The following SHROOM3 variants were observed in gnomAD, a reference collection of about 807,000 sequenced individuals.
SHROOM3 encodes protein Shroom3.
A neutral mutation model predicts 138.6 loss-of-function variants in SHROOM3; 47 were observed. The observed-to-expected ratio is 0.34, with a 90% CI of 0.27 to 0.43. The LOEUF (loss-of-function observed/expected upper bound fraction) is 0.43. Among genes scored for constraint, SHROOM3 ranks in the 20% least tolerant of loss-of-function variants. The pLI is 1.00. For missense variants in SHROOM3, 2,491 were observed against 2,596.5 expected, an observed-to-expected ratio of 0.96 and a Z score of 0.88; for synonymous variants, 1,062 against 1,063.3, an observed-to-expected ratio of 1.00 and a Z score of 0.02.
At position 76,566,788 on chromosome 4, in the gene SHROOM3, A is replaced by C. The variant is rs144511771; in HGVS notation, c.323+11025A>C. Among the ~76,000 whole-genome samples, 252 of 152,316 alleles carry C rather than the reference A, an allele frequency of 1.7e-3. 1 individual carries two copies. Among genetic ancestry groups the C allele is most frequent in the African/African-American group, 5.8e-3 (242 of 41,578 alleles). ...ACTGTGGGTTCTTTTTCCTTTGATC[A>C]TTGTTTATTAAGATGGCTACCTCAA... On this transcript the variant is annotated intron_variant, in intron 2 of 10. Transcript: ENST00000296043.
intron 1 of SHROOM3, among the ~76,000 whole-genome samples, chr4:76,499,254 A>G (rs4493564): frequency 0.58 from 87,391 of 151,556 alleles, 26,039 homozygotes; most frequent in Non-Finnish European, 0.65. Flanking sequence ...TGCTGTGGCT[A>G]TTGGGCAAAT....
chr4:76,544,826 A>G (rs1733177718), intron 1 of SHROOM3, among the ~76,000 whole-genome samples: 1 of 152,204 alleles, frequency 6.6e-6, no homozygotes, highest in Non-Finnish European at 1.5e-5. Context: ...AACAGCAGGA[A>G]ATTGGAGCTG....
At chr4:76,634,761 A>T (rs938667758) in intron 2 of SHROOM3, among the ~76,000 whole-genome samples, 2 of 152,332 alleles carry the variant, frequency 1.3e-5, no homozygotes, top group South Asian at 2.1e-4. Flanking sequence ...TTAAACTTTT[A>T]AAAATAACTG....
chr4:76,639,446 T>G, intron 2 of SHROOM3: 1 of 396,166 alleles, frequency 2.5e-6, no homozygotes, highest in Non-Finnish European at 4.4e-6. Context: ...ACGGGGGAGT[T>G]CTATTGTTTT....
chr4:76,629,365 G>A (rs1311093992), intron 2 of SHROOM3, among the ~76,000 whole-genome samples: 2 of 152,214 alleles, frequency 1.3e-5, no homozygotes, highest in Non-Finnish European at 2.9e-5. Context: ...AGGTCAAAGA[G>A]GTAACGGGTA....
chr4:76,699,593 A>G (rs538919999), intron 2 of SHROOM3, among the ~76,000 whole-genome samples: 1 of 152,276 alleles, frequency 6.6e-6, no homozygotes, highest in South Asian at 2.1e-4. Context: ...TAGAGGGTCT[A>G]CTTAACCATC....
intron 1 of SHROOM3, among the ~76,000 whole-genome samples, chr4:76,549,668 T>A (rs1733307427): frequency 1.3e-5 from 2 of 152,104 alleles, no homozygotes; most frequent in Non-Finnish European, 2.9e-5. Flanking sequence ...CGCCCGGCAG[T>A]GGCTTCAACT....
At chr4:76,577,581 C>T (rs943820735) in intron 2 of SHROOM3, among the ~76,000 whole-genome samples, 3 of 152,150 alleles carry the variant, frequency 2.0e-5, no homozygotes, top group Non-Finnish European at 2.9e-5. Context: ...TAACAATTCA[C>T]GTTTATCAAT....
At chr4:76,586,157 C>A (rs989562117) in intron 2 of SHROOM3, 1 of 743,684 alleles carries the variant, frequency 1.3e-6, no homozygotes, top group Non-Finnish European at 1.6e-6. Flanking sequence ...CGGGCCAGCT[C>A]CTGTCAGGCA....
intron 9 of SHROOM3, among the ~76,000 whole-genome samples, chr4:76,769,858 A>G (rs1722290910): frequency 6.6e-6 from 1 of 152,232 alleles, no homozygotes; most frequent in South Asian, 2.1e-4. Context: ...TGCTCTACAA[A>G]TGGTAGCTAC....
At position 76,504,148 on chromosome 4, in the gene SHROOM3, C is replaced by T. The variant is rs536044342; in HGVS notation, c.169-51461C>T. 3.2e-4 allele frequency among the ~76,000 whole-genome samples: 49 copies of T among 152,098 alleles called. No individual in the cohort carries two copies. In the South Asian group the frequency reaches 9.3e-3, roughly 29 times the overall value. On this transcript the variant is annotated intron_variant, in intron 1 of 10. Coordinates refer to ENST00000296043, the MANE Select transcript of SHROOM3 (RefSeq NM_020859.4). ...GTCCCAGATGTGTTGAGAGAGAAGC[C>T]GACTTCTCAAAAAAATTTTTTTTTT...
chr4:76,442,866 G>A lies in SHROOM3; in HGVS notation c.168+6646G>A, dbSNP rs185414805. On this transcript the variant is annotated intron_variant, in intron 1 of 10. Coordinates refer to ENST00000296043, the MANE Select transcript of SHROOM3 (RefSeq NM_020859.4). Reference sequence around the variant, plus strand: ...ATTATTCGTGGTGCTTAAACTATACGTAACAATTATGAAAATGAAAATGTG... The same window carrying A: ...ATTATTCGTGGTGCTTAAACTATACATAACAATTATGAAAATGAAAATGTG... Among the ~76,000 whole-genome samples the A allele has an allele frequency of 7.6e-3, 1,149 of 151,202 alleles. 11 individuals are homozygous for A. Among genetic ancestry groups the A allele is most frequent in the Middle Eastern group, 0.034 (10 of 294 alleles).
At chr4:76,509,479 A>G (rs138587600) in intron 1 of SHROOM3, 2 of 152,352 alleles carry the variant, frequency 1.3e-5, no homozygotes, top group East Asian at 1.9e-4. Flanking sequence ...CCCTCCAATT[A>G]TGATCCCCAC....
At position 76,741,455 on chromosome 4, in the gene SHROOM3, C is replaced by T. The variant is rs755583958; in HGVS notation, c.3282C>T (p.Thr1094=). Residue 1094 remains threonine, a synonymous_variant, in exon 5 of 11, where the codon ACC becomes ACT. Coordinates refer to ENST00000296043, the MANE Select transcript of SHROOM3 (RefSeq NM_020859.4). The surrounding 1 kb of genome is among the most constrained non-coding windows in gnomAD (Gnocchi z 6.2). ...TGGCGGACTACATCCAGCGCAAGAC[C>T]GGCAAGCGGCCTACCTCCGCCGCCG... The part of the protein sequence containing the change: ...SALADYIQRK[T]GKRPTSAAGC... The T allele has an allele frequency of 6.3e-6, 10 of 1,576,458 alleles. No homozygotes were observed. Among genetic ancestry groups the T allele is most frequent in the South Asian group, 5.8e-5 (5 of 86,760 alleles).
At chr4:76,462,771 T>A (rs1173256557) in intron 1 of SHROOM3, among the ~76,000 whole-genome samples, 2 of 147,298 alleles carry the variant, frequency 1.4e-5, no homozygotes, top group African/African-American at 5.0e-5. Context: ...CCTCTCTCCC[T>A]CTCCTGCTCT....
chr4:76,577,873 C>T (rs1326186837), intron 2 of SHROOM3, among the ~76,000 whole-genome samples: 2 of 151,980 alleles, frequency 1.3e-5, no homozygotes, highest in African/African-American at 4.8e-5. Flanking sequence ...TCCATAAGCC[C>T]CAGGAAATTG....
chr4:76,644,853 G>A (rs954713460), intron 2 of SHROOM3, among the ~76,000 whole-genome samples: 9 of 152,074 alleles, frequency 5.9e-5, no homozygotes, highest in African/African-American at 2.2e-4. Flanking sequence ...TTGTGTCTTG[G>A]ACAGGACTTA....
At chr4:76,677,450 A>G (rs1197090711) in intron 2 of SHROOM3, among the ~76,000 whole-genome samples, 1 of 152,236 alleles carries the variant, frequency 6.6e-6, no homozygotes, top group Non-Finnish European at 1.5e-5. Flanking sequence ...AGGACTGATA[A>G]TAGCTACCTT....
intron 4 of SHROOM3, among the ~76,000 whole-genome samples, chr4:76,731,742 C>CT (rs973305371): frequency 6.6e-5 from 10 of 151,310 alleles, no homozygotes; most frequent in African/African-American, 2.2e-4. Context: ...GATCACGCCA[C>CT]TGCACTCCAA....
Sources: gnomAD v4.1 joint callset for allele counts (sites outside exome capture counted in the v4.1 genomes callset) on GRCh38, gnomAD v4.1.1 for gene constraint, Gnocchi (gnomAD v3.1) non-coding constraint, MANE v1.5 for transcripts, NCBI Gene and HGNC (gene_info 2026-07-23, HGNC 2026-07-21) for gene names.